Variants in ABCC4 observed in about 807,000 individuals in gnomAD.
The protein encoded by ABCC4 is ATP binding cassette subfamily C member 4 (PEL blood group).
In ABCC4, 102 loss-of-function variants were observed where a neutral mutation model predicts 168.5. That is an observed-to-expected ratio of 0.61 (90% CI 0.52 to 0.71). The LOEUF is 0.71. Among genes scored for constraint, ABCC4 ranks in the 30% least tolerant of loss-of-function variants. The pLI is 0.00. For synonymous variants in ABCC4, 617 were observed against 590.7 expected, an observed-to-expected ratio of 1.04 and a Z score of -0.65; for missense variants, 1,402 against 1,605.8, an observed-to-expected ratio of 0.87 and a Z score of 2.17.
At chr13:95,197,909 C>T (rs1468297267) in intron 8 of ABCC4, among the ~76,000 whole-genome samples, 1 of 152,054 alleles carries the variant, frequency 6.6e-6, no homozygotes, top group Non-Finnish European at 1.5e-5. Flanking sequence ...CGCAATAAAA[C>T]CTTCATTTTC....
At chr13:95,144,498 C>A (rs952244296) in intron 19 of ABCC4, among the ~76,000 whole-genome samples, 3 of 152,146 alleles carry the variant, frequency 2.0e-5, no homozygotes, top group Non-Finnish European at 1.5e-5. Context: ...ACCTGGAAAA[C>A]CCCATATTCT....
chr13:95,196,113 G>C (rs1027269837), intron 8 of ABCC4, among the ~76,000 whole-genome samples: 7 of 152,090 alleles, frequency 4.6e-5, no homozygotes, highest in Non-Finnish European at 1.0e-4. Flanking sequence ...ACTCCCTTTT[G>C]CTCCTCAAAT....
At chr13:95,186,161 T>C (rs1425055369) in intron 11 of ABCC4, among the ~76,000 whole-genome samples, 2 of 150,976 alleles carry the variant, frequency 1.3e-5, no homozygotes, top group Non-Finnish European at 2.9e-5. Context: ...GGTGATTTTT[T>C]TTCTTGAGTG....
At chr13:95,126,036 G>A (rs572476009) in intron 19 of ABCC4, among the ~76,000 whole-genome samples, 1 of 152,312 alleles carries the variant, frequency 6.6e-6, no homozygotes, top group South Asian at 2.1e-4. Context: ...GTTTGCATAT[G>A]ATTTCAGGGG....
chr13:95,159,159 A>T (rs2037001908), intron 19 of ABCC4, among the ~76,000 whole-genome samples: 1 of 139,312 alleles, frequency 7.2e-6, no homozygotes, highest in Admixed American at 7.4e-5. Flanking sequence ...ACAATCAGTA[A>T]TGTGAATTCT....
In ABCC4 at chr13:95,071,682, G is replaced by A. The variant is rs746848354; in HGVS notation, c.3190C>T (p.Leu1064Phe). 2.0e-6 allele frequency: 3 copies of A among 1,494,474 alleles called. No homozygotes were observed. In the South Asian group the frequency reaches 4.3e-5, roughly 21 times the overall value. The allele number at this position is 1,494,474 out of a possible 1,614,324, so 92.6% of individuals were successfully genotyped here. Residue 1064 changes from leucine to phenylalanine, a missense_variant, in exon 25 of 31, where the codon CTC becomes TTC. Transcript: ENST00000645237. ...CAAACCTTTTCTTGTGATTTAATGA[G>A]TGCTGTCAGATGCTTCAGTACCAGA... is the stretch of plus-strand genomic sequence containing the variant. ...GPLVLKHLTA[L>F]IKSQEKVGIV...
chr13:95,123,176 C>T (rs2035635126), intron 19 of ABCC4, among the ~76,000 whole-genome samples: 1 of 152,158 alleles, frequency 6.6e-6, no homozygotes, highest in Non-Finnish European at 1.5e-5. Context: ...ATCTGTTTTC[C>T]ACATCCAGCT....
chr13:95,290,997 C>CAAAAAAAAAAAAAAAA (rs762030761), intron 1 of ABCC4, among the ~76,000 whole-genome samples: 4 of 36,416 alleles, frequency 1.1e-4, no homozygotes, highest in African/African-American at 1.5e-4. Flanking sequence ...GACCCTGTCT[C>CAAAAAAAAAAAAAAAA]AAAAAAAAAA....
chr13:95,216,056 A>G (rs2039101429), intron 4 of ABCC4, among the ~76,000 whole-genome samples: 1 of 152,226 alleles, frequency 6.6e-6, no homozygotes, highest in African/African-American at 2.4e-5. Flanking sequence ...ATCATAAATC[A>G]AGCTACCATT....
At chr13:95,208,120 A>G (rs929846729) in intron 6 of ABCC4, among the ~76,000 whole-genome samples, 195 bp from the exon 7 acceptor site, 3 of 152,214 alleles carry the variant, frequency 2.0e-5, no homozygotes, top group African/African-American at 7.2e-5. Context: ...CAACTCAACA[A>G]GTATTTTGGA....
chr13:95,141,108 T>C (rs1400842179), intron 19 of ABCC4, among the ~76,000 whole-genome samples: 2 of 152,198 alleles, frequency 1.3e-5, no homozygotes, highest in Non-Finnish European at 2.9e-5. Context: ...TGCTCATCAC[T>C]GAAAGGTTTC....
intron 4 of ABCC4, among the ~76,000 whole-genome samples, chr13:95,221,898 C>A (rs941513975): frequency 1.1e-4 from 16 of 152,214 alleles, no homozygotes; most frequent in Admixed American, 5.2e-4. Context: ...GAAGCCACGT[C>A]CAGCCTCCCT....
At chr13:95,181,232 C>T (rs1331150261) in intron 11 of ABCC4, among the ~76,000 whole-genome samples, 2 of 152,206 alleles carry the variant, frequency 1.3e-5, no homozygotes, top group Non-Finnish European at 2.9e-5. Context: ...ATGTGCACAT[C>T]AACCATGGTG....
chr13:95,043,137 C>A (rs574564036), intron 29 of ABCC4, among the ~76,000 whole-genome samples: 62 of 152,272 alleles, frequency 4.1e-4, no homozygotes, highest in African/African-American at 1.4e-3. Context: ...TAACAAATTT[C>A]CTATGTTAAA....
intron 27 of ABCC4, among the ~76,000 whole-genome samples, chr13:95,046,016 AT>A (rs2032560901): frequency 6.6e-6 from 1 of 152,188 alleles, no homozygotes; most frequent in South Asian, 2.1e-4. Flanking sequence ...GAAGTGTAAG[AT>A]TTGGCTCGTG....
chr13:95,127,037 T>C (rs1472491278), intron 19 of ABCC4, among the ~76,000 whole-genome samples: 1 of 151,838 alleles, frequency 6.6e-6, no homozygotes, highest in African/African-American at 2.4e-5. Flanking sequence ...CAGTTTAAGA[T>C]ACACATTACC....
At chr13:95,051,552 A>T (rs201191418) in intron 27 of ABCC4, among the ~76,000 whole-genome samples, 5,301 of 147,314 alleles carry the variant, frequency 0.036, 146 homozygotes, top group Admixed American at 0.052. Context: ...TTTTTTTTTT[A>T]TTTTTAGTAG....
At chr13:95,225,890 T>C in intron 4 of ABCC4, among the ~76,000 whole-genome samples, 1 of 149,306 alleles carries the variant, frequency 6.7e-6, no homozygotes. Flanking sequence ...ATCCCAACAC[T>C]TTGGCAGGCT....
chr13:95,266,879 C>CTTTTT (rs34395714), intron 1 of ABCC4, among the ~76,000 whole-genome samples: 1 of 116,806 alleles, frequency 8.6e-6, no homozygotes, highest in Non-Finnish European at 1.7e-5. Context: ...CAAATCTCAT[C>CTTTTT]TTTTTTTTTT....
Sources: allele counts gnomAD v4.1 joint callset (sites outside exome capture counted in the v4.1 genomes callset), GRCh38; gene constraint gnomAD v4.1.1; transcripts MANE v1.5; gene names NCBI Gene and HGNC (gene_info 2026-07-23, HGNC 2026-07-21).